REV1: variants seen among roughly 807,000 people sequenced by gnomAD.
REV1 encodes REV1 DNA directed polymerase.
In REV1, 42 loss-of-function variants were observed where a neutral mutation model predicts 137.4. The observed-to-expected ratio is 0.31, with a 90% CI of 0.24 to 0.40. The LOEUF is 0.40. Ranked by LOEUF, REV1 falls within the 10% of genes least tolerant of loss-of-function variation. The probability of loss-of-function intolerance (pLI) is 1.00; values close to 1 mark genes in which losing one functional copy is unlikely to be tolerated. For missense variants in REV1, 1,282 were observed against 1,490.1 expected (o/e 0.86, Z 2.30); for synonymous variants, 524 against 519.2 (o/e 1.01, Z -0.12).
At chr2:99,431,428 GAAA>G (rs1437482696) in intron 8 of REV1, among the ~76,000 whole-genome samples, 1 of 152,082 alleles carries the variant, frequency 6.6e-6, no homozygotes, top group Non-Finnish European at 1.5e-5. Context: ...CATCTAAGCT[GAAA>G]AACTGTAAGA....
intron 5 of REV1, 95 bp downstream of exon 5, chr2:99,442,222 A>G (rs1015202884): frequency 2.6e-6 from 3 of 1,164,472 alleles, no homozygotes; most frequent in Non-Finnish European, 3.5e-6. Flanking sequence ...ATTGCACTCC[A>G]GCCTCGGCAA....
At chr2:99,429,031 C>T (rs574034748) in intron 9 of REV1, among the ~76,000 whole-genome samples, 1 of 147,710 alleles carries the variant, frequency 6.8e-6, no homozygotes, top group South Asian at 2.2e-4. Context: ...TGATCTAAGA[C>T]TCTGTTTCGA....
chr2:99,430,299 C>T lies in REV1; in HGVS notation c.1439-351G>A, dbSNP rs1010288199. 3.3e-5 allele frequency among the ~76,000 whole-genome samples: 5 copies of T among 151,968 alleles called. No individual in the cohort carries two copies. In the South Asian group the frequency reaches 8.4e-4, roughly 25 times the overall value. ...AGGGAGATGAACTCCCTCTTATAAC[C>T]TTAAAAGGACTGTACAGCTCTCGGT... On this transcript the variant is annotated intron_variant, in intron 8 of 22. Transcript: ENST00000258428.
chr2:99,427,026 T>C (rs1364777940), intron 9 of REV1, among the ~76,000 whole-genome samples: 1 of 151,864 alleles, frequency 6.6e-6, no homozygotes, highest in Non-Finnish European at 1.5e-5. Flanking sequence ...CTACTAAAAA[T>C]ACAAAAATTA....
chr2:99,480,185 T>C (rs986203902), intron 1 of REV1, among the ~76,000 whole-genome samples: 2 of 152,066 alleles, frequency 1.3e-5, no homozygotes, highest in African/African-American at 4.8e-5. Context: ...TAGCCAGTCA[T>C]GGTGGTGCAC....
At chr2:99,489,331 G>C (rs1253099190) in intron 1 of REV1, among the ~76,000 whole-genome samples, 2 of 152,150 alleles carry the variant, frequency 1.3e-5, no homozygotes. Flanking sequence ...GCGGCGGCTC[G>C]ACCGGGTCGA....
intron 5 of REV1, 111 bp downstream of exon 5, chr2:99,442,206 C>T (rs1006120174): frequency 1.9e-5 from 19 of 984,630 alleles, no homozygotes; most frequent in Non-Finnish European, 1.8e-5. Flanking sequence ...GAGCCGAGAT[C>T]ATACCATTGC....
Position 99,424,229 on chromosome 2 carries a change from A to G in REV1, c.1599T>C (p.Cys533=), listed in dbSNP as rs1463948768. The G allele has an allele frequency of 1.2e-6, 2 of 1,613,822 alleles. No individual in the cohort carries two copies. The highest frequency in any genetic ancestry group is 2.7e-5 in the African/African-American group (2 of 74,944). ...GMFFGHAKQL[C]PNLQAVPYDF... ...CGTATGGAACAGCTTGAAGATTAGG[A>G]CATAGTTGTTTAGCATGCCCAAAAA... The change falls in exon 10 of 23, where the codon TGT becomes TGC. Residue 533 remains cysteine (C), a synonymous_variant. Coordinates refer to ENST00000258428, the MANE Select transcript of REV1 (RefSeq NM_016316.4).
chr2:99,470,590 T>TA (rs528500303), intron 1 of REV1, among the ~76,000 whole-genome samples: 48 of 152,378 alleles, frequency 3.2e-4, no homozygotes, highest in Non-Finnish European at 6.5e-4. Context: ...CGTTAGGTCA[T>TA]AGCCTGTTCC....
chr2:99,428,199 G>GAAT (rs1209389525), intron 9 of REV1, among the ~76,000 whole-genome samples: 1 of 152,120 alleles, frequency 6.6e-6, no homozygotes, highest in Non-Finnish European at 1.5e-5. Context: ...CAAGGACTGG[G>GAAT]AATATTTCTG....
intron 6 of REV1, 25 bp from the exon 7 acceptor site, chr2:99,435,966 A>C: frequency 7.8e-7 from 1 of 1,284,460 alleles, no homozygotes; most frequent in Non-Finnish European, 1.1e-6. Flanking sequence ...ACAGCATTCA[A>C]ACCCCAAGCT....
intron 4 of REV1, among the ~76,000 whole-genome samples, chr2:99,443,873 C>T (rs938912328): frequency 9.9e-5 from 15 of 150,984 alleles, no homozygotes; most frequent in African/African-American, 3.7e-4. Flanking sequence ...GACGGAGTCT[C>T]GCTCTGTCGC....
intron 1 of REV1, among the ~76,000 whole-genome samples, chr2:99,486,499 A>C (rs1271161506): frequency 6.6e-6 from 1 of 151,150 alleles, no homozygotes; most frequent in Non-Finnish European, 1.5e-5. Context: ...ACTGCACTCC[A>C]GTGTGGGCGA....
chr2:99,413,066 CT>C, intron 12 of REV1, 115 bp from the exon 13 acceptor site: 1 of 756,826 alleles, frequency 1.3e-6, no homozygotes, highest in Non-Finnish European at 2.1e-6. Flanking sequence ...TCTTTAAAGT[CT>C]TTAGGCAACA....
chr2:99,416,125 G>T (rs1267078940), intron 12 of REV1, among the ~76,000 whole-genome samples: 2 of 152,238 alleles, frequency 1.3e-5, no homozygotes, highest in Non-Finnish European at 2.9e-5. Flanking sequence ...AAAGAGGTTG[G>T]AGATGGGGCA....
At chr2:99,403,558 T>C (rs1255459228) in intron 19 of REV1, 137 bp downstream of exon 19, 15 of 1,069,618 alleles carry the variant, frequency 1.4e-5, no homozygotes, top group Non-Finnish European at 2.1e-5. Flanking sequence ...TACTGTATAC[T>C]TCAGATATTA....
At chr2:99,408,349 A>G (rs991826671) in intron 14 of REV1, 7 of 361,968 alleles carry the variant, frequency 1.9e-5, no homozygotes, top group Non-Finnish European at 2.9e-5. Context: ...GAACACTAGA[A>G]CTTTAAGGTA....
intron 1 of REV1, among the ~76,000 whole-genome samples, chr2:99,489,070 T>A (rs1477250029): frequency 1.3e-5 from 2 of 152,016 alleles, no homozygotes; most frequent in East Asian, 3.9e-4. Context: ...TGAGAATAGG[T>A]AGGAAGAGCA....
Position 99,449,464 on chromosome 2 carries a change from A to G in REV1, c.222T>C (p.His74=). 1 of 1,518,396 alleles carries G rather than the reference A, an allele frequency of 6.6e-7. No homozygotes were observed. Among genetic ancestry groups the G allele is most frequent in the Non-Finnish European group, 8.8e-7 (1 of 1,138,424 alleles). 94.1% of individuals were successfully genotyped at this position (1,518,396 alleles called of 1,614,324 possible). Residue 74 remains histidine (H), a synonymous_variant, in exon 4 of 23, where the codon CAT becomes CAC. Transcript: ENST00000258428. ...AEELRKLMML[H]GGQYHVYYSR... ...AATAATATACATGGTATTGACCTCC[A>G]TGCAACATCATTAGTTTTCTCAATT... is the stretch of plus-strand genomic sequence containing the variant.
Sources: allele counts gnomAD v4.1 joint callset (sites outside exome capture counted in the v4.1 genomes callset), GRCh38; gene constraint gnomAD v4.1.1; transcripts MANE v1.5; gene names NCBI Gene and HGNC (gene_info 2026-07-23, HGNC 2026-07-21).